MANBA: variants seen among roughly 807,000 people sequenced by gnomAD.
The protein encoded by MANBA is mannosidase beta.
In MANBA, 83 loss-of-function variants were observed where a neutral mutation model predicts 111.1. The ratio of observed to expected loss-of-function variants is 0.75; its 90% CI spans 0.63 to 0.90. MANBA has a LOEUF of 0.90. MANBA is among the 40% of genes least tolerant of loss of function. MANBA has a pLI of 0.00. For missense variants in MANBA, 1,036 were observed against 1,069.0 expected, an observed-to-expected ratio of 0.97 and a Z score of 0.43; for synonymous variants, 370 against 378.7, an observed-to-expected ratio of 0.98 and a Z score of 0.27.
rs10008118 is a variant in MANBA at position 102,694,863 on chromosome 4, C to T, written c.674-4092G>A. On this transcript the variant is annotated intron_variant, in intron 5 of 16. Coordinates refer to ENST00000647097, the MANE Select transcript of MANBA (RefSeq NM_005908.4). ...CCCTGGCCTGAAGGCTTATTGGTGT[C>T]CTCGCTGATGTCCTAAGCCCAAGCA... 5.3e-3 allele frequency among the ~76,000 whole-genome samples: 809 copies of T among 152,142 alleles called. 6 individuals are homozygous for T. Among genetic ancestry groups the T allele is most frequent in the African/African-American group, 0.019 (774 of 41,518 alleles).
intron 8 of MANBA, chr4:102,672,125 G>A: frequency 2.5e-6 from 1 of 398,582 alleles, no homozygotes; most frequent in Non-Finnish European, 4.4e-6. Context: ...GTCTGGAGAA[G>A]AATTTCATTT....
intron 1 of MANBA, among the ~76,000 whole-genome samples, chr4:102,742,264 C>G (rs1316643693): frequency 6.6e-6 from 1 of 152,200 alleles, no homozygotes; most frequent in Non-Finnish European, 1.5e-5. Flanking sequence ...GTTTCTCCCT[C>G]TGGAACTAAG....
chr4:102,678,861 AT>A (rs1731840622), intron 7 of MANBA, among the ~76,000 whole-genome samples: 1 of 152,218 alleles, frequency 6.6e-6, no homozygotes, highest in African/African-American at 2.4e-5. Context: ...CAAACAGATG[AT>A]ATGTAATGAA....
chr4:102,672,130 T>C, intron 8 of MANBA: 1 of 398,644 alleles, frequency 2.5e-6, no homozygotes, highest in Non-Finnish European at 4.4e-6. Flanking sequence ...GAGAAGAATT[T>C]CATTTTCTTA....
intron 4 of MANBA, 152 bp downstream of exon 4, chr4:102,722,719 T>C: frequency 2.7e-6 from 2 of 741,108 alleles, no homozygotes; most frequent in Non-Finnish European, 4.7e-6. Context: ...AATAATCTTT[T>C]GGTTCTTATT....
At position 102,631,463 on chromosome 4, in the gene MANBA, G is replaced by A. The variant is rs758556588; in HGVS notation, c.*594C>T. On this transcript the variant is annotated 3_prime_UTR_variant, in exon 17 of 17. Coordinates refer to ENST00000647097, the MANE Select transcript of MANBA (RefSeq NM_005908.4). ...GGGCAAAATTGAATATTTATAGAAC[G>A]GTTAAATAAGCCACAGATGAAATAT... 5 of 301,096 alleles carry A rather than the reference G, an allele frequency of 1.7e-5. No individual in the cohort carries two copies. Among genetic ancestry groups the A allele is most frequent in the East Asian group, 5.5e-5 (1 of 18,262 alleles). The allele number at this position is 301,096 out of a possible 1,614,324, so 18.7% of individuals were successfully genotyped here.
At chr4:102,749,974 A>ATATGC (rs369691878) in intron 1 of MANBA, among the ~76,000 whole-genome samples, 202 of 152,338 alleles carry the variant, frequency 1.3e-3, no homozygotes, top group African/African-American at 4.8e-3. Flanking sequence ...ACAAGAAAGT[A>ATATGC]TATGTCCAGG....
intron 1 of MANBA, among the ~76,000 whole-genome samples, chr4:102,737,208 T>C (rs574533015): frequency 6.6e-6 from 1 of 152,146 alleles, no homozygotes; most frequent in Non-Finnish European, 1.5e-5. Context: ...GCATGAATTT[T>C]CCTGAGCAGA....
At chr4:102,632,317 A>T (rs769708067) in intron 16 of MANBA, 36 bp from the exon 17 acceptor site, 6 of 1,463,544 alleles carry the variant, frequency 4.1e-6, no homozygotes, top group Non-Finnish European at 4.8e-6. Context: ...GAAGTGAAGG[A>T]TGAGGGAAGA....
chr4:102,680,582 T>C (rs1239843794), intron 7 of MANBA, among the ~76,000 whole-genome samples: 1 of 142,472 alleles, frequency 7.0e-6, no homozygotes, highest in African/African-American at 2.5e-5. Flanking sequence ...TCCAAAGTTC[T>C]AAAAAAAAAA....
At chr4:102,657,661 G>A in intron 12 of MANBA, 21 bp downstream of exon 12, 2 of 1,560,250 alleles carry the variant, frequency 1.3e-6, no homozygotes, top group Non-Finnish European at 1.8e-6. Flanking sequence ...TGAAACATTA[G>A]AAAATCAAAC....
At chr4:102,660,933 C>T (rs116699774) in intron 11 of MANBA, among the ~76,000 whole-genome samples, 1,846 of 151,922 alleles carry the variant, frequency 0.012, 14 homozygotes, top group Non-Finnish European at 0.021. Flanking sequence ...GATAAAGTTC[C>T]TCCTCTCCCC....
chr4:102,647,976 C>T (rs928798695), intron 13 of MANBA, among the ~76,000 whole-genome samples: 2 of 151,956 alleles, frequency 1.3e-5, no homozygotes, highest in African/African-American at 4.8e-5. Flanking sequence ...TAAAAATTTC[C>T]TGTCTACTTC....
chr4:102,664,634 A>G (rs766547087), intron 11 of MANBA, 51 bp downstream of exon 11: 2 of 1,527,730 alleles, frequency 1.3e-6, no homozygotes, highest in East Asian at 2.3e-5. Context: ...CACCACGCCC[A>G]GCCCTAAAGA....
chr4:102,670,184 AG>A (rs953014772), intron 9 of MANBA, among the ~76,000 whole-genome samples: 6 of 150,996 alleles, frequency 4.0e-5, no homozygotes, highest in Non-Finnish European at 8.8e-5. Context: ...AAAAGATCAT[AG>A]CCCCAAAGCA....
intron 1 of MANBA, among the ~76,000 whole-genome samples, chr4:102,758,129 C>G (rs1025416566): frequency 6.6e-6 from 1 of 152,206 alleles, no homozygotes; most frequent in Non-Finnish European, 1.5e-5. Context: ...TTCCAACCAG[C>G]CTTCACTGTC....
chr4:102,750,147 T>C (rs1378338592), intron 1 of MANBA, among the ~76,000 whole-genome samples: 4 of 152,206 alleles, frequency 2.6e-5, no homozygotes, highest in Non-Finnish European at 4.4e-5. Flanking sequence ...ATCTCCTTAA[T>C]GTCACACCTG....
chr4:102,681,695 T>C (rs1163058614), intron 7 of MANBA: 1 of 152,236 alleles, frequency 6.6e-6, no homozygotes, highest in Non-Finnish European at 1.5e-5. Context: ...TTATTTCTAA[T>C]CTGCAATGCT....
intron 8 of MANBA, among the ~76,000 whole-genome samples, chr4:102,672,896 T>C (rs1347787165): frequency 6.6e-6 from 1 of 152,216 alleles, no homozygotes; most frequent in East Asian, 1.9e-4. Flanking sequence ...AAACTGGTTA[T>C]TGGTGCCAAA....
Sources: allele counts gnomAD v4.1 joint callset (sites outside exome capture counted in the v4.1 genomes callset), GRCh38; gene constraint gnomAD v4.1.1; transcripts MANE v1.5; gene names NCBI Gene and HGNC (gene_info 2026-07-23, HGNC 2026-07-21).